Variants in HEXB observed in about 807,000 individuals in gnomAD.
HEXB encodes the protein hexosaminidase subunit beta, also known as beta-hexosaminidase subunit beta.
In HEXB, 51 loss-of-function variants were observed where a neutral mutation model predicts 71.2. The ratio of observed to expected loss-of-function variants is 0.72; its 90% CI spans 0.57 to 0.90. The LOEUF (loss-of-function observed/expected upper bound fraction) is 0.90, where lower values mean the gene tolerates loss of function less well. HEXB is among the 40% of genes least tolerant of loss of function. The probability of loss-of-function intolerance (pLI) is 0.00; values close to 1 mark genes in which losing one functional copy is unlikely to be tolerated. For synonymous variants in HEXB, 266 were observed against 249.3 expected, an observed-to-expected ratio of 1.07 and a Z score of -0.63; for missense variants, 617 against 677.0, an observed-to-expected ratio of 0.91 and a Z score of 0.98.
chr5:74,675,287 G>A (rs980214611), intron 1 of HEXB, among the ~76,000 whole-genome samples: 11 of 152,090 alleles, frequency 7.2e-5, no homozygotes, highest in Admixed American at 2.6e-4. Context: ...TCAACAGTGG[G>A]GGATTCTTAC....
At position 74,646,317 on chromosome 5, in the gene HEXB, C is replaced by T. The variant is rs112738651; in HGVS notation, c.-377+5759C>T. Among the ~76,000 whole-genome samples the T allele has an allele frequency of 8.7e-3, 1,331 of 152,230 alleles. 21 individuals are homozygous for T. The highest frequency in any genetic ancestry group is 0.029 in the African/African-American group (1,218 of 41,530). ...AAAAGTGACTTGAATCTTTATCAAA[C>T]TCTTATTTCCACATCTGCTCAGTAG... On this transcript the variant is annotated intron_variant, in intron 1 of 13. Coordinates refer to the HEXB transcript ENST00000511181.
At chr5:74,681,625 T>C (rs1267000712), upstream of HEXB, among the ~76,000 whole-genome samples, 1 of 152,194 alleles carries the variant, frequency 6.6e-6, no homozygotes, top group African/African-American at 2.4e-5. Context: ...TTTTAAATAA[T>C]GAGTCAGAGT....
intron 1 of HEXB, among the ~76,000 whole-genome samples, chr5:74,644,763 C>CTTTTTTTTTTTTTTT (rs1747970041): frequency 2.4e-5 from 2 of 83,356 alleles, no homozygotes; most frequent in African/African-American, 1.0e-4. Flanking sequence ...TCTTTTTTTT[C>CTTTTTTTTTTTTTTT]CTTTTTTTTT....
chr5:74,716,898 A>T, intron 9 of HEXB: 1 of 389,410 alleles, frequency 2.6e-6, no homozygotes, highest in East Asian at 5.6e-5. Flanking sequence ...TGTTCTAAAA[A>T]CTCAGATTGG....
chr5:74,644,081 G>A (rs537449780), intron 1 of HEXB, among the ~76,000 whole-genome samples: 2 of 152,286 alleles, frequency 1.3e-5, no homozygotes, highest in East Asian at 1.9e-4. Context: ...GGAAGTGGAC[G>A]CCCAGTCAGG....
intron 1 of HEXB, among the ~76,000 whole-genome samples, chr5:74,669,316 G>A (rs1347330915): frequency 6.6e-6 from 1 of 150,598 alleles, no homozygotes; most frequent in African/African-American, 2.4e-5. Context: ...TTTTTTTTCA[G>A]TTATGAGCAT....
chr5:74,721,257 G>T lies in HEXB; in HGVS notation c.*82G>T, dbSNP rs201485365. On this transcript the variant is annotated 3_prime_UTR_variant, in exon 14 of 14. Transcript: ENST00000261416. ...ATCATGTAAAATAAGATATTAGACT[G>T]TTTTTTGAATAAAATATTTTTATTG... 6.9e-6 allele frequency: 6 copies of T among 868,900 alleles called. No homozygotes were observed. The highest frequency in any genetic ancestry group is 4.7e-5 in the Admixed American group (2 of 42,522). 53.8% of individuals were successfully genotyped at this position (868,900 alleles called of 1,614,324 possible). A position where few individuals can be genotyped will look rare whatever the true frequency, so the allele number is the denominator to read the frequency against.
At chr5:74,647,379 A>T (rs1161629601) in intron 1 of HEXB, among the ~76,000 whole-genome samples, 1 of 152,250 alleles carries the variant, frequency 6.6e-6, no homozygotes, top group Non-Finnish European at 1.5e-5. Flanking sequence ...CTTTGAATGA[A>T]TATTAAAAGG....
rs139833501 is a variant in HEXB, at chr5:74,652,371, C to T, written c.-377+11813C>T. The stretch of plus-strand genomic sequence containing the variant: ...TCTCCTAGTGTGTGGGCCTCCTGGC[C>T]CACGTGTCCAGCAAGCAAGCCACTC... On this transcript the variant is annotated intron_variant, in intron 1 of 13. Transcript: ENST00000511181. This position sits in a 1 kb window ranked among gnomAD's most constrained non-coding sequence, Gnocchi z 5.4. Among the ~76,000 whole-genome samples the T allele has an allele frequency of 4.7e-3, 723 of 152,328 alleles. 6 individuals carry two copies. The highest frequency in any genetic ancestry group is 0.01 in the Middle Eastern group (3 of 294).
At chr5:74,702,464 GATA>G (rs1749287592) in intron 5 of HEXB, among the ~76,000 whole-genome samples, 1 of 152,118 alleles carries the variant, frequency 6.6e-6, no homozygotes, top group African/African-American at 2.4e-5. Context: ...TTTTCCAGAA[GATA>G]ATATTCAGTT....
intron 1 of HEXB, among the ~76,000 whole-genome samples, chr5:74,662,596 G>A (rs969059967): frequency 5.9e-5 from 9 of 152,150 alleles, no homozygotes; most frequent in South Asian, 2.1e-4. Context: ...TTAAGGTGCT[G>A]TTTGCAAAAG....
intron 9 of HEXB, 21 bp from the exon 10 acceptor site, chr5:74,718,268 CTA>C (rs1302999089): frequency 5.7e-6 from 8 of 1,399,074 alleles, no homozygotes; most frequent in Non-Finnish European, 8.1e-6. Flanking sequence ...TCTAAAATAA[CTA>C]TAATTTTTTT....
At chr5:74,656,426 C>T (rs1384919876) in intron 1 of HEXB, among the ~76,000 whole-genome samples, 1 of 149,464 alleles carries the variant, frequency 6.7e-6, no homozygotes, top group Non-Finnish European at 1.5e-5. Context: ...TTGCAATGAG[C>T]TGAGATCACA....
chr5:74,720,702 A>C lies in HEXB; in HGVS notation c.1568A>C (p.Asp523Ala). 6.2e-7 allele frequency: 1 copy of C among 1,614,190 alleles called. No individual in the cohort carries two copies. The change falls in exon 13 of 14, where the codon GAT (aspartate) becomes GCT (alanine). Residue 523 changes from aspartate (D) to alanine (A), a missense_variant. Asp to Ala is a moderately radical substitution (Grantham distance 126). Coordinates refer to ENST00000261416, the MANE Select transcript of HEXB (RefSeq NM_000521.4). ...AGTTCCAAAGATGTCAGAGATATGG[A>C]TGACGCCTATGACAGACTGACAAGG... ...LWSSKDVRDM[D>A]DAYDRLTRHR... is the part of the protein sequence containing the mutation.
chr5:74,652,375 G>A lies in HEXB; in HGVS notation c.-377+11817G>A, dbSNP rs926529705. Among the ~76,000 whole-genome samples the A allele has an allele frequency of 4.6e-5, 7 of 152,302 alleles. No homozygotes were observed. The highest frequency in any genetic ancestry group is 3.9e-4 in the East Asian group (2 of 5,180). Reference sequence around the variant, plus strand: ...CTAGTGTGTGGGCCTCCTGGCCCACGTGTCCAGCAAGCAAGCCACTCCTGA... The same window carrying A: ...CTAGTGTGTGGGCCTCCTGGCCCACATGTCCAGCAAGCAAGCCACTCCTGA... On this transcript the variant is annotated intron_variant, in intron 1 of 13. Transcript: ENST00000511181. The surrounding 1 kb of genome is among the most constrained non-coding windows in gnomAD (Gnocchi z 5.4).
rs573949644 is a variant in HEXB, at chr5:74,712,550, A to G, written c.772-956A>G. Reference sequence around the variant, plus strand: ...TTGCAGTGGGATACAAATAAGCTCCATAATTGTGGTGAGTTAATATGTCTA... The same window carrying G: ...TTGCAGTGGGATACAAATAAGCTCCGTAATTGTGGTGAGTTAATATGTCTA... On this transcript the variant is annotated intron_variant, in intron 6 of 13. Transcript: ENST00000261416. Among the ~76,000 whole-genome samples the G allele has an allele frequency of 3.9e-5, 6 of 152,274 alleles. No homozygotes were observed. In the South Asian group the frequency reaches 1.2e-3, roughly 32 times the overall value.
chr5:74,664,271 T>G (rs1215190805), intron 1 of HEXB, among the ~76,000 whole-genome samples: 1 of 149,858 alleles, frequency 6.7e-6, no homozygotes, highest in East Asian at 1.9e-4. Context: ...AAAAAAAAAT[T>G]TAAAAACTAG....
rs952908986 is a variant in HEXB at position 74,718,684 on chromosome 5, AT to A, written c.1243-105del. On this transcript the variant is annotated intron_variant, in intron 10 of 13. Transcript: ENST00000261416. ...AGAAAAGAGGAAAAAGAAAATGCAG[AT>A]TTTTTTTAAGGATCTTAGAAAATTA... is the stretch of plus-strand genomic sequence containing the variant. 164 of 1,111,192 alleles carry A rather than the reference AT, an allele frequency of 1.5e-4. 1 individual carries two copies. Among genetic ancestry groups the A allele is most frequent in the African/African-American group, 1.4e-3 (90 of 63,432 alleles). 68.8% of individuals were successfully genotyped at this position (1,111,192 alleles called of 1,614,324 possible). A position where few individuals can be genotyped will look rare whatever the true frequency, so the allele number is the denominator to read the frequency against.
chr5:74,699,835 A>G (rs1019577295), intron 5 of HEXB, among the ~76,000 whole-genome samples: 1 of 152,006 alleles, frequency 6.6e-6, no homozygotes, highest in South Asian at 2.1e-4. Flanking sequence ...TCATAGCCAC[A>G]TATGCTTGGC....
Sources: gnomAD v4.1 joint callset for allele counts (sites outside exome capture counted in the v4.1 genomes callset) on GRCh38, gnomAD v4.1.1 for gene constraint, Gnocchi (gnomAD v3.1) non-coding constraint, MANE v1.5 for transcripts, NCBI Gene and HGNC (gene_info 2026-07-23, HGNC 2026-07-21) for gene names.